Variants in FAT1 observed in about 807,000 individuals in gnomAD.
The protein encoded by FAT1 is FAT atypical cadherin 1.
A neutral mutation model predicts 329.8 loss-of-function variants in FAT1; 171 were observed. That is an observed-to-expected ratio of 0.52 (90% CI 0.46 to 0.59). The LOEUF is 0.59. Ranked by LOEUF, FAT1 falls within the 20% of genes least tolerant of loss-of-function variation. The pLI, the probability that FAT1 is intolerant of heterozygous loss-of-function variation, is 0.00. For synonymous variants in FAT1, 2,233 were observed against 2,228.6 expected (o/e 1.00, Z -0.06); for missense variants, 5,672 against 5,774.4 (o/e 0.98, Z 0.57).
At chr4:186,623,885 A>T (rs763756833) in intron 9 of FAT1, among the ~76,000 whole-genome samples, 3 of 152,214 alleles carry the variant, frequency 2.0e-5, no homozygotes, top group Non-Finnish European at 4.4e-5. Flanking sequence ...TATCTGGGGC[A>T]TCATGACTCT....
At chr4:186,638,958 C>CG (rs1740970831) in intron 4 of FAT1, among the ~76,000 whole-genome samples, 1 of 149,682 alleles carries the variant, frequency 6.7e-6, no homozygotes, top group Non-Finnish European at 1.5e-5. Flanking sequence ...CCTGACGACA[C>CG]GGCCCAGAGA....
At chr4:186,677,087 TTC>T (rs965908961) in intron 2 of FAT1, among the ~76,000 whole-genome samples, 2 of 152,340 alleles carry the variant, frequency 1.3e-5, no homozygotes, top group Non-Finnish European at 2.9e-5. Flanking sequence ...TTTTAGAAAC[TTC>T]TTTTTCTATT....
chr4:186,604,416 G>A lies in FAT1; in HGVS notation c.10509C>T (p.Ile3503=), dbSNP rs2126438302. 1 of 1,613,742 alleles carries A rather than the reference G, an allele frequency of 6.2e-7. No individual in the cohort carries two copies. Among genetic ancestry groups the A allele is most frequent in the Non-Finnish European group, 8.5e-7 (1 of 1,179,804 alleles). Residue 3503 remains isoleucine (I), a synonymous_variant, in exon 18 of 27, where the codon ATC becomes ATT. Transcript: ENST00000441802. ...AGTAATGATCTTTCTCCTTCCTCTT[G>A]ATGGCAGATGATGTCAGGAGGACTC... ...PQGVLLTSSA[I]KRKEKDHYLL...
intron 2 of FAT1, among the ~76,000 whole-genome samples, chr4:186,683,549 G>A (rs1030236867): frequency 3.3e-5 from 5 of 152,064 alleles, no homozygotes; most frequent in Non-Finnish European, 7.4e-5. Context: ...GAAATTTTCC[G>A]AAAGTTTTGC....
intron 9 of FAT1, among the ~76,000 whole-genome samples, chr4:186,626,258 G>A (rs1269708509): frequency 3.1e-5 from 3 of 97,638 alleles, no homozygotes; most frequent in Non-Finnish European, 4.0e-5. Flanking sequence ...GACCAACATG[G>A]CACCTGGCAC....
chr4:186,628,391 C>A (rs777585199), intron 8 of FAT1, 27 bp from the exon 9 acceptor site: 13 of 1,609,764 alleles, frequency 8.1e-6, no homozygotes, highest in Non-Finnish European at 2.5e-6. Context: ...CATTATCAAT[C>A]CCATTGGTGC....
Position 186,633,706 on chromosome 4 carries a change from C to T in FAT1, c.4301G>A (p.Gly1434Glu). The change falls in exon 7 of 27, where the codon GGA becomes GAA. Residue 1434 changes from glycine to glutamate, a missense_variant. By Grantham distance (98) the Gly-to-Glu change is moderately conservative (BLOSUM62 -2). Around this residue, in one of 2 missense-constraint regions of FAT1, gnomAD observed 3,966 missense variants for 3,915.2 expected, o/e 1.01. Transcript: ENST00000441802. ...NYNLTVEATDGTTTILTQVFI... is the reference protein window; with the variant it reads ...NYNLTVEATDETTTILTQVFI... ...TACCTGAGTGAGGATAGTGGTGGTTCCATCTGTAGCCTCGACTGTGAGGTT... is the reference window on the plus strand; with the variant it reads ...TACCTGAGTGAGGATAGTGGTGGTTTCATCTGTAGCCTCGACTGTGAGGTT... 2 of 1,613,894 alleles carry T rather than the reference C, an allele frequency of 1.2e-6. No individual in the cohort carries two copies. Among genetic ancestry groups the T allele is most frequent in the East Asian group, 2.2e-5 (1 of 44,866 alleles).
chr4:186,702,009 TGACACAGACATGAGGCCAGGAGCC>T (rs1215080458), intron 2 of FAT1, among the ~76,000 whole-genome samples: 2 of 99,670 alleles, frequency 2.0e-5, no homozygotes, highest in African/African-American at 1.0e-4. Flanking sequence ...CCCACACAGG[TGACACAGACATGAGGCCAGGAGCC>T]GACCCCCACA....
At chr4:186,624,094 C>T (rs903134959) in intron 9 of FAT1, among the ~76,000 whole-genome samples, 4 of 150,630 alleles carry the variant, frequency 2.7e-5, no homozygotes, top group Admixed American at 2.6e-4. Flanking sequence ...GGCCTAACAA[C>T]AGGTTCATTC....
chr4:186,662,121 G>C (rs1579407738), intron 3 of FAT1, among the ~76,000 whole-genome samples: 2 of 147,788 alleles, frequency 1.4e-5, no homozygotes, highest in South Asian at 4.3e-4. Flanking sequence ...GAGGGTTTTT[G>C]TTCACACTCA....
chr4:186,606,359 C>CCTG, intron 16 of FAT1, 146 bp from the exon 17 acceptor site: 1 of 739,618 alleles, frequency 1.4e-6, no homozygotes, highest in South Asian at 1.9e-5. Context: ...ATGCCCTAAT[C>CCTG]TCCTACAAAC....
intron 11 of FAT1, 57 bp downstream of exon 11, chr4:186,616,948 G>C (rs1437202993): frequency 6.7e-7 from 1 of 1,481,924 alleles, no homozygotes; most frequent in Non-Finnish European, 9.3e-7. Flanking sequence ...TGGTCCCATT[G>C]AAAGAATTAA....
At chr4:186,636,467 C>A in intron 5 of FAT1, 118 bp downstream of exon 5, 1 of 1,104,622 alleles carries the variant, frequency 9.1e-7, no homozygotes. Context: ...ATGGGGCCAG[C>A]AGGTCACAAA....
At chr4:186,635,910 T>G in intron 6 of FAT1, 115 bp downstream of exon 6, 1 of 857,540 alleles carries the variant, frequency 1.2e-6, no homozygotes, top group Non-Finnish European at 1.8e-6. Flanking sequence ...ATTCTCCACC[T>G]GTCGATCTTA....
chr4:186,606,948 T>C (rs569174874), intron 16 of FAT1, among the ~76,000 whole-genome samples: 1 of 152,304 alleles, frequency 6.6e-6, no homozygotes, highest in South Asian at 2.1e-4. Context: ...GCTTGGGAAA[T>C]ACCACAGGCT....
intron 3 of FAT1, among the ~76,000 whole-genome samples, chr4:186,656,036 C>T (rs1242706990): frequency 2.6e-5 from 4 of 152,214 alleles, no homozygotes; most frequent in African/African-American, 4.8e-5. Flanking sequence ...GGCCGAAGGC[C>T]GTGCTGGGCC....
At position 186,708,266 on chromosome 4, in the gene FAT1, G is replaced by A. The variant is rs376472322; in HGVS notation, c.1562C>T (p.Thr521Met). Reference sequence around the variant, plus strand: ...CAGTTCGTAGTCCAGGTTTTCTGACGTACTCACGGCACCAGTGAAATGGTC... The same window carrying A: ...CAGTTCGTAGTCCAGGTTTTCTGACATACTCACGGCACCAGTGAAATGGTC... ...AIDHFTGAVS[T>M]SENLDYELMP... The change falls in exon 2 of 27, where the codon ACG becomes ATG. Residue 521 changes from threonine to methionine, a missense_variant. Thr to Met is a moderately conservative substitution (Grantham distance 81). Around this residue, in one of 2 missense-constraint regions of FAT1, gnomAD observed 3,966 missense variants for 3,915.2 expected, o/e 1.01. Transcript: ENST00000441802. 22 of 1,613,868 alleles carry A rather than the reference G, an allele frequency of 1.4e-5. No homozygotes were observed. Among genetic ancestry groups the A allele is most frequent in the African/African-American group, 6.7e-5 (5 of 74,920 alleles).
In FAT1 at chr4:186,636,872, C is replaced by G. The variant is rs772535061; in HGVS notation, c.3685G>C (p.Ala1229Pro). Reference sequence around the variant, plus strand: ...TCAAGGATTTTCACAATGACTCTTGCAATGGTTGATTTGGGGGGACTACCA... The same window carrying G: ...TCAAGGATTTTCACAATGACTCTTGGAATGGTTGATTTGGGGGGACTACCA... ...DNGSPPKSTI[A>P]RVIVKILDEN... Residue 1229 changes from alanine to proline, a missense_variant, in exon 5 of 27, where the codon GCA becomes CCA. Ala to Pro is a conservative substitution (Grantham distance 27, BLOSUM62 -1). Transcript: ENST00000441802. 6.2e-7 allele frequency: 1 copy of G among 1,613,524 alleles called. No individual in the cohort carries two copies. The highest frequency in any genetic ancestry group is 8.5e-7 in the Non-Finnish European group (1 of 1,179,706).
chr4:186,619,585 T>A lies in FAT1; in HGVS notation c.7001A>T (p.His2334Leu), dbSNP rs756957772. ...GNHSKSHDHF[H>L]VDSSTGLISL... ...GATGAGGCCAGTGCTGCTGTCTACA[T>A]GAAAATGATCATGACTCTTGCTGTG... is the stretch of plus-strand genomic sequence containing the variant. Residue 2334 changes from histidine (H) to leucine (L), a missense_variant, in exon 10 of 27, where the codon CAT becomes CTT. Transcript: ENST00000441802. The A allele has an allele frequency of 1.2e-6, 2 of 1,613,950 alleles. No homozygotes were observed. The highest frequency in any genetic ancestry group is 2.2e-5 in the East Asian group (1 of 44,876).
Sources: gnomAD v4.1 joint callset for allele counts (sites outside exome capture counted in the v4.1 genomes callset) on GRCh38, gnomAD v4.1.1 for gene constraint, gnomAD v4.1.1 regional missense constraint, MANE v1.5 for transcripts, NCBI Gene and HGNC (gene_info 2026-07-23, HGNC 2026-07-21) for gene names.